TANC1: variants seen among roughly 807,000 people sequenced by gnomAD.
The protein encoded by TANC1 is protein TANC1.
In TANC1, 77 loss-of-function variants were observed where a neutral mutation model predicts 149.7. The ratio of observed to expected loss-of-function variants is 0.51; its 90% CI spans 0.43 to 0.62. The LOEUF (loss-of-function observed/expected upper bound fraction) is 0.62. Among genes scored for constraint, TANC1 ranks in the 20% least tolerant of loss-of-function variants. The probability of loss-of-function intolerance (pLI) is 0.00; values close to 1 mark genes in which losing one functional copy is unlikely to be tolerated. For missense variants in TANC1, 1,985 were observed against 2,321.8 expected (o/e 0.85, Z 2.98); for synonymous variants, 854 against 925.0 (o/e 0.92, Z 1.39).
chr2:159,172,445 G>A (rs56742661), intron 11 of TANC1, among the ~76,000 whole-genome samples, 173 bp downstream of exon 11: 1,593 of 152,330 alleles, frequency 0.01, 25 homozygotes, highest in African/African-American at 0.031. Context: ...ATGACAGTAA[G>A]TATCTGTTTT....
At chr2:159,156,724 CTGTG>C (rs1357931307) in intron 7 of TANC1, among the ~76,000 whole-genome samples, 2 of 152,218 alleles carry the variant, frequency 1.3e-5, no homozygotes, top group African/African-American at 4.8e-5. Context: ...GGTCATTAGA[CTGTG>C]TGAGAAGCTC....
chr2:159,132,655 ATTTTTTTTT>A (rs35719354), intron 4 of TANC1, among the ~76,000 whole-genome samples: 1 of 127,264 alleles, frequency 7.9e-6, no homozygotes, highest in Non-Finnish European at 1.6e-5. Flanking sequence ...CACCCAGCTA[ATTTTTTTTT>A]TTTTTTTTTT....
intron 11 of TANC1, among the ~76,000 whole-genome samples, chr2:159,172,538 C>T (rs201655142): frequency 1.3e-5 from 2 of 152,210 alleles, no homozygotes; most frequent in South Asian, 2.1e-4. Context: ...CATGTGCACT[C>T]GCCACAAATC....
At chr2:158,978,616 A>T (rs1573924855) in intron 1 of TANC1, among the ~76,000 whole-genome samples, 1 of 152,342 alleles carries the variant, frequency 6.6e-6, no homozygotes, top group East Asian at 1.9e-4. Flanking sequence ...GCTGTCTGCA[A>T]CTACCACAAA....
intron 2 of TANC1, among the ~76,000 whole-genome samples, chr2:159,025,162 TTTTC>T (rs1176153627): frequency 3.7e-4 from 54 of 144,334 alleles, no homozygotes; most frequent in East Asian, 1.6e-3. Context: ...CTCTTTCTCT[TTTTC>T]TTTCTTTCTT....
At chr2:159,077,076 G>GT (rs2043771697) in intron 3 of TANC1, among the ~76,000 whole-genome samples, 1 of 151,366 alleles carries the variant, frequency 6.6e-6, no homozygotes, top group Admixed American at 6.6e-5. Context: ...GAATCACTGA[G>GT]TAGACAGGGT....
At chr2:159,024,172 C>T (rs991193489) in intron 2 of TANC1, among the ~76,000 whole-genome samples, 5 of 152,006 alleles carry the variant, frequency 3.3e-5, no homozygotes, top group African/African-American at 1.2e-4. Flanking sequence ...TGTATATAGT[C>T]ATGTGCCACA....
chr2:159,051,818 A>G (rs1432128146), intron 2 of TANC1, among the ~76,000 whole-genome samples: 1 of 152,184 alleles, frequency 6.6e-6, no homozygotes, highest in Non-Finnish European at 1.5e-5. Flanking sequence ...ATACTGAGCC[A>G]GACTTAGGTT....
intron 14 of TANC1, among the ~76,000 whole-genome samples, chr2:159,180,512 C>G (rs1181901900): frequency 6.6e-6 from 1 of 152,156 alleles, no homozygotes; most frequent in Admixed American, 6.5e-5. Context: ...TAGGTCAGAG[C>G]TAGGGTGGGT....
chr2:158,970,873 C>G (rs183813844), intron 1 of TANC1, among the ~76,000 whole-genome samples: 294 of 152,262 alleles, frequency 1.9e-3, no homozygotes, highest in Non-Finnish European at 3.5e-3. Flanking sequence ...TTTTTGGCAC[C>G]AAGCCTTTTG....
At chr2:159,100,452 G>A (rs933213752) in intron 4 of TANC1, among the ~76,000 whole-genome samples, 1 of 152,138 alleles carries the variant, frequency 6.6e-6, no homozygotes, top group Non-Finnish European at 1.5e-5. Flanking sequence ...ATATCCTCAA[G>A]TTTTTCTCCA....
intron 5 of TANC1, among the ~76,000 whole-genome samples, chr2:159,141,313 T>G (rs2051346672): frequency 6.6e-6 from 1 of 152,198 alleles, no homozygotes; most frequent in South Asian, 2.1e-4. Flanking sequence ...CAGACTATAG[T>G]ACGTGGCAAC....
chr2:159,087,029 C>A (rs1364022824), intron 3 of TANC1, among the ~76,000 whole-genome samples: 1 of 151,816 alleles, frequency 6.6e-6, no homozygotes, highest in Admixed American at 6.6e-5. Flanking sequence ...GCATCCCAAT[C>A]GTGAAAAATG....
At chr2:159,101,492 T>C (rs1184894411) in intron 4 of TANC1, among the ~76,000 whole-genome samples, 1 of 151,674 alleles carries the variant, frequency 6.6e-6, no homozygotes, top group African/African-American at 2.4e-5. Context: ...TTATTTACTC[T>C]TCTGCCACCT....
At chr2:159,212,781 C>G (rs1164877099) in intron 19 of TANC1, among the ~76,000 whole-genome samples, 1 of 151,962 alleles carries the variant, frequency 6.6e-6, no homozygotes, top group African/African-American at 2.4e-5. Context: ...ATTAGCCAGG[C>G]GTGGTGGCAC....
At chr2:158,992,753 C>T (rs2035779336) in intron 1 of TANC1, among the ~76,000 whole-genome samples, 1 of 150,120 alleles carries the variant, frequency 6.7e-6, no homozygotes, top group Admixed American at 6.7e-5. Context: ...ATCTCCTGAC[C>T]TCGTGATCCA....
intron 3 of TANC1, among the ~76,000 whole-genome samples, chr2:159,088,370 G>T (rs1271887059): frequency 1.3e-5 from 2 of 151,982 alleles, no homozygotes; most frequent in African/African-American, 4.8e-5. Flanking sequence ...TTCTCACATT[G>T]TTAAAATTTT....
intron 3 of TANC1, among the ~76,000 whole-genome samples, chr2:159,071,754 G>A (rs2043172577): frequency 6.6e-6 from 1 of 152,174 alleles, no homozygotes; most frequent in Non-Finnish European, 1.5e-5. Context: ...CCCGTTTTCT[G>A]TGGTTGTGGA....
chr2:159,011,517 T>A (rs56275170), intron 2 of TANC1, among the ~76,000 whole-genome samples: 13,847 of 149,058 alleles, frequency 0.093, 681 homozygotes, highest in Non-Finnish European at 0.11. Context: ...GAATTCAAAT[T>A]ACACCTTAAA....
Sources: allele counts gnomAD v4.1 joint callset (sites outside exome capture counted in the v4.1 genomes callset), GRCh38; gene constraint gnomAD v4.1.1; transcripts MANE v1.5; gene names NCBI Gene and HGNC (gene_info 2026-07-23, HGNC 2026-07-21).